The following ZFYVE9 variants were observed in gnomAD, a reference collection of about 807,000 sequenced individuals.
ZFYVE9 encodes zinc finger FYVE-type containing 9, also known as zinc finger FYVE domain-containing protein 9.
In ZFYVE9, 43 loss-of-function variants were observed where a neutral mutation model predicts 126.7. The observed-to-expected ratio is 0.34, with a 90% CI of 0.27 to 0.44. The LOEUF is 0.44. Among genes scored for constraint, ZFYVE9 ranks in the 20% least tolerant of loss-of-function variants. The pLI is 1.00. For synonymous variants in ZFYVE9, 521 were observed against 597.4 expected (o/e 0.87, Z 1.87); for missense variants, 1,476 against 1,697.0 (o/e 0.87, Z 2.29).
intron 2 of ZFYVE9, among the ~76,000 whole-genome samples, chr1:52,228,060 A>G (rs1645185675): frequency 6.6e-6 from 1 of 152,036 alleles, no homozygotes; most frequent in Admixed American, 6.6e-5. Context: ...ACTCTTTTAA[A>G]ATATTTTATT....
chr1:52,328,967 AG>A (rs1303940076), intron 13 of ZFYVE9, among the ~76,000 whole-genome samples: 1 of 152,210 alleles, frequency 6.6e-6, no homozygotes, highest in Non-Finnish European at 1.5e-5. Flanking sequence ...GATGCCTTAG[AG>A]TTGTATGGAT....
intron 1 of ZFYVE9, among the ~76,000 whole-genome samples, chr1:52,150,845 T>C (rs143500940): frequency 6.2e-4 from 94 of 152,090 alleles, no homozygotes; most frequent in African/African-American, 2.1e-3. Flanking sequence ...TCAGGATTTA[T>C]ACAAACTTTA....
chr1:52,341,632 T>C (rs995563889), intron 17 of ZFYVE9, among the ~76,000 whole-genome samples: 6 of 152,240 alleles, frequency 3.9e-5, no homozygotes, highest in South Asian at 2.1e-4. Context: ...GAAACTCTTA[T>C]GTTTTTTTAA....
chr1:52,340,376 T>A, intron 17 of ZFYVE9, 145 bp downstream of exon 17: 1 of 641,710 alleles, frequency 1.6e-6, no homozygotes, highest in Non-Finnish European at 2.7e-6. Flanking sequence ...AATTCCTATC[T>A]GAAATCACCA....
At chr1:52,268,667 C>T in intron 7 of ZFYVE9, 35 bp downstream of exon 7, 2 of 1,602,614 alleles carry the variant, frequency 1.2e-6, no homozygotes, top group African/African-American at 1.3e-5. Context: ...AATTGCATAG[C>T]TACTTTACTC....
At chr1:52,243,382 A>G (rs1645354406) in intron 4 of ZFYVE9, among the ~76,000 whole-genome samples, 1 of 152,236 alleles carries the variant, frequency 6.6e-6, no homozygotes, top group South Asian at 2.1e-4. Context: ...ACATAGTTCA[A>G]GGTTGACACA....
intron 1 of ZFYVE9, among the ~76,000 whole-genome samples, chr1:52,147,758 T>C (rs976224367): frequency 5.9e-5 from 9 of 152,222 alleles, no homozygotes; most frequent in African/African-American, 2.2e-4. Context: ...AAATGGTAGC[T>C]GTATGTTTAA....
At chr1:52,175,523 C>A in intron 1 of ZFYVE9, among the ~76,000 whole-genome samples, 1 of 149,754 alleles carries the variant, frequency 6.7e-6, no homozygotes, top group East Asian at 2.0e-4. Flanking sequence ...GTGGCGTTCT[C>A]TGTATTTCCT....
chr1:52,183,858 CTT>C (rs34718528), intron 1 of ZFYVE9, among the ~76,000 whole-genome samples: 185 of 134,394 alleles, frequency 1.4e-3, no homozygotes, highest in Admixed American at 1.9e-3. Context: ...TTCTATCTTT[CTT>C]TTTTTTTTTT....
chr1:52,223,705 G>C (rs998598290), intron 2 of ZFYVE9, among the ~76,000 whole-genome samples: 8 of 151,874 alleles, frequency 5.3e-5, no homozygotes, highest in African/African-American at 1.9e-4. Context: ...GAAACATTAG[G>C]GTTCAAGGAG....
Position 52,230,402 on chromosome 1 carries a change from A to G in ZFYVE9, c.-36-2769A>G, listed in dbSNP as rs12041131. On this transcript the variant is annotated intron_variant, in intron 2 of 18. Coordinates refer to ENST00000287727, the MANE Select transcript of ZFYVE9 (RefSeq NM_004799.4). ...AGTCAAACAGGGAGGTGAACAACAC[A>G]CACCAGGGCCTGTTGCGGGGGTGGG... Among the ~76,000 whole-genome samples the G allele has an allele frequency of 9.2e-3, 1,396 of 151,944 alleles. 66 individuals carry two copies. The East Asian group carries it at 0.12, about 13-fold the overall frequency.
intron 1 of ZFYVE9, among the ~76,000 whole-genome samples, chr1:52,168,188 CTCCTCCTCT>C (rs1045473636): frequency 2.4e-4 from 36 of 150,370 alleles, no homozygotes; most frequent in East Asian, 3.9e-4. Context: ...GATTAGATTC[CTCCTCCTCT>C]TCCTCCTCTT....
intron 1 of ZFYVE9, among the ~76,000 whole-genome samples, chr1:52,155,034 G>A (rs967988245): frequency 6.6e-6 from 1 of 152,006 alleles, no homozygotes; most frequent in African/African-American, 2.4e-5. Context: ...TGTGCCTTTT[G>A]GTTCTGTTTC....
At chr1:52,275,546 C>CT (rs1299013408) in intron 8 of ZFYVE9, among the ~76,000 whole-genome samples, 4 of 152,162 alleles carry the variant, frequency 2.6e-5, no homozygotes, top group African/African-American at 9.7e-5. Flanking sequence ...GCCTCACCAG[C>CT]ATCCATGGTT....
intron 3 of ZFYVE9, among the ~76,000 whole-genome samples, chr1:52,235,191 A>G (rs1384330869): frequency 6.6e-6 from 1 of 152,130 alleles, no homozygotes; most frequent in African/African-American, 2.4e-5. Flanking sequence ...ATTTTTTTGA[A>G]TCTCACTACC....
At chr1:52,307,205 A>C (rs1226887537) in intron 13 of ZFYVE9, among the ~76,000 whole-genome samples, 1 of 152,168 alleles carries the variant, frequency 6.6e-6, no homozygotes, top group African/African-American at 2.4e-5. Flanking sequence ...TATCTGTAAA[A>C]GCTGAGGCGC....
At chr1:52,163,803 A>G (rs969560737) in intron 1 of ZFYVE9, among the ~76,000 whole-genome samples, 2 of 152,028 alleles carry the variant, frequency 1.3e-5, no homozygotes, top group African/African-American at 4.8e-5. Flanking sequence ...GTGAGACCTC[A>G]TCTAAATTAT....
chr1:52,342,196 T>C (rs1018082324), intron 17 of ZFYVE9, among the ~76,000 whole-genome samples: 1 of 152,106 alleles, frequency 6.6e-6, no homozygotes, highest in Non-Finnish European at 1.5e-5. Context: ...AAGTTCCTTA[T>C]GGAGCAGTAA....
chr1:52,315,400 C>T (rs762108462), intron 13 of ZFYVE9, among the ~76,000 whole-genome samples: 6 of 152,096 alleles, frequency 3.9e-5, no homozygotes, highest in Non-Finnish European at 5.9e-5. Flanking sequence ...TCCACTCCAG[C>T]TTGGGCAATG....
Sources: gnomAD v4.1 joint callset for allele counts (sites outside exome capture counted in the v4.1 genomes callset) on GRCh38, gnomAD v4.1.1 for gene constraint, MANE v1.5 for transcripts, NCBI Gene and HGNC (gene_info 2026-07-23, HGNC 2026-07-21) for gene names.